Variants in KCNQ3 observed in about 807,000 individuals in gnomAD.
KCNQ3 encodes the protein potassium voltage-gated channel subfamily Q member 3, also known as potassium voltage-gated channel subfamily KQT member 3.
Under a neutral mutation model 92.5 loss-of-function variants are expected in KCNQ3, and 30 were observed. The observed-to-expected ratio is 0.32, with a 90% CI of 0.24 to 0.44. The LOEUF is 0.44. Among genes scored for constraint, KCNQ3 ranks in the 20% least tolerant of loss-of-function variants. The pLI is 1.00. For missense variants in KCNQ3, 913 were observed against 1,140.3 expected, an observed-to-expected ratio of 0.80 and a Z score of 2.87; for synonymous variants, 450 against 468.8, an observed-to-expected ratio of 0.96 and a Z score of 0.52.
chr8:132,418,779 A>G (rs769096842), intron 1 of KCNQ3, among the ~76,000 whole-genome samples: 6 of 152,304 alleles, frequency 3.9e-5, no homozygotes, highest in Non-Finnish European at 8.8e-5. Context: ...GAATGAGACT[A>G]TGTCTCAAAA....
intron 1 of KCNQ3, among the ~76,000 whole-genome samples, chr8:132,396,809 C>T (rs1182229724): frequency 6.6e-6 from 1 of 152,092 alleles, no homozygotes; most frequent in East Asian, 1.9e-4. Context: ...TCATTAAGAG[C>T]AGAGAACGTT....
At chr8:132,323,913 G>C (rs1450371407) in intron 1 of KCNQ3, among the ~76,000 whole-genome samples, 1 of 152,094 alleles carries the variant, frequency 6.6e-6, no homozygotes, top group African/African-American at 2.4e-5. Context: ...GGAAGCACGC[G>C]TTCTGACCTT....
chr8:132,209,354 T>G (rs545581724), intron 1 of KCNQ3, among the ~76,000 whole-genome samples: 2 of 152,224 alleles, frequency 1.3e-5, no homozygotes, highest in East Asian at 3.9e-4. Flanking sequence ...GAGAAGATGG[T>G]TGGTGCCAGC....
intron 9 of KCNQ3, among the ~76,000 whole-genome samples, chr8:132,157,906 T>C (rs889294982): frequency 6.6e-6 from 1 of 152,078 alleles, no homozygotes; most frequent in African/African-American, 2.4e-5. Flanking sequence ...TCAACTCCCA[T>C]TTATGAATGA....
At chr8:132,205,070 C>T (rs1440542848) in intron 1 of KCNQ3, among the ~76,000 whole-genome samples, 1 of 152,184 alleles carries the variant, frequency 6.6e-6, no homozygotes, top group East Asian at 1.9e-4. Context: ...TTCCAGTTGG[C>T]TCACTCTCAT....
At chr8:132,283,092 C>CGTGTGTGTGT (rs1195934839) in intron 1 of KCNQ3, among the ~76,000 whole-genome samples, 4,334 of 130,484 alleles carry the variant, frequency 0.033, 77 homozygotes, top group South Asian at 0.1. Context: ...CTCTCTCTCT[C>CGTGTGTGTGT]GTGTGTGTGT....
At chr8:132,207,737 A>G (rs1813710186) in intron 1 of KCNQ3, among the ~76,000 whole-genome samples, 1 of 151,762 alleles carries the variant, frequency 6.6e-6, no homozygotes, top group African/African-American at 2.4e-5. Context: ...GCACCTTTCT[A>G]CAAATGGCCC....
At chr8:132,276,665 T>C (rs1816341319) in intron 1 of KCNQ3, among the ~76,000 whole-genome samples, 1 of 152,202 alleles carries the variant, frequency 6.6e-6, no homozygotes, top group South Asian at 2.1e-4. Context: ...GCACCTGCAT[T>C]GTTTTGAAAT....
chr8:132,416,494 C>T (rs920898562), intron 1 of KCNQ3, among the ~76,000 whole-genome samples: 1 of 152,072 alleles, frequency 6.6e-6, no homozygotes, highest in African/African-American at 2.4e-5. Flanking sequence ...ATGGCGGGCA[C>T]CCATAATCCC....
chr8:132,282,200 T>G (rs943354540), intron 1 of KCNQ3, among the ~76,000 whole-genome samples: 1 of 152,140 alleles, frequency 6.6e-6, no homozygotes, highest in Admixed American at 6.5e-5. Context: ...TTCAAAACAC[T>G]ATCTGCCTAA....
chr8:132,236,519 A>G (rs1814821297), intron 1 of KCNQ3, among the ~76,000 whole-genome samples: 3 of 152,274 alleles, frequency 2.0e-5, no homozygotes, highest in South Asian at 2.1e-4. Context: ...ATATATGGAC[A>G]CTGTCAATGA....
At chr8:132,160,632 A>G (rs184840513) in intron 9 of KCNQ3, among the ~76,000 whole-genome samples, 3 of 149,432 alleles carry the variant, frequency 2.0e-5, no homozygotes, top group African/African-American at 7.7e-5. Context: ...CTTTCAAATC[A>G]GTTTATTGAA....
chr8:132,216,008 T>C (rs1484730283), intron 1 of KCNQ3, among the ~76,000 whole-genome samples: 1 of 152,166 alleles, frequency 6.6e-6, no homozygotes, highest in African/African-American at 2.4e-5. Flanking sequence ...TCAGTAAATA[T>C]AAATGAGTCT....
Position 132,349,793 on chromosome 8 carries a change from C to T in KCNQ3, c.386+130354G>A, listed in dbSNP as rs1818805099. Among the ~76,000 whole-genome samples the T allele has an allele frequency of 2.0e-5, 3 of 152,360 alleles. 1 individual carries two copies. The South Asian group carries it at 6.2e-4, about 32-fold the overall frequency. On this transcript the variant is annotated intron_variant, in intron 1 of 14. Coordinates refer to ENST00000388996, the MANE Select transcript of KCNQ3 (RefSeq NM_004519.4). Reference sequence around the variant, plus strand: ...GCAAGCCCAGCCAGGATCAGCAGAACCACCCAAGCCAACCTGCAGATCTAG... The same window carrying T: ...GCAAGCCCAGCCAGGATCAGCAGAATCACCCAAGCCAACCTGCAGATCTAG...
chr8:132,156,696 C>T (rs1825804544), intron 9 of KCNQ3, among the ~76,000 whole-genome samples: 1 of 152,164 alleles, frequency 6.6e-6, no homozygotes, highest in African/African-American at 2.4e-5. Flanking sequence ...TTTTGGCAAA[C>T]ACAGAGGGTT....
At position 132,125,602 on chromosome 8, in the gene KCNQ3, T is replaced by C. The variant is rs1824639036; in HGVS notation, c.*3660A>G. 2.0e-5 allele frequency: 3 copies of C among 152,228 alleles called. No homozygotes were observed. Among genetic ancestry groups the C allele is most frequent in the Admixed American group, 6.5e-5 (1 of 15,286 alleles). The allele number at this position is 152,228 out of a possible 1,614,324, so 9.4% of individuals were successfully genotyped here. ...TTTCAGTAGCATGGAATTATGAGGA[T>C]GATTTTGCCAAATTATGAGTAGGTC... On this transcript the variant is annotated 3_prime_UTR_variant, in exon 15 of 15. Transcript: ENST00000388996.
chr8:132,305,802 T>A (rs146072398), intron 1 of KCNQ3, among the ~76,000 whole-genome samples: 10 of 152,284 alleles, frequency 6.6e-5, no homozygotes, highest in Admixed American at 5.9e-4. Flanking sequence ...CGCTTCAATA[T>A]TCCTCATTTG....
chr8:132,251,524 C>A (rs948938774), intron 1 of KCNQ3, among the ~76,000 whole-genome samples: 5 of 152,178 alleles, frequency 3.3e-5, no homozygotes, highest in African/African-American at 9.6e-5. Context: ...TGGTCTCTTC[C>A]AAACATGATA....
At chr8:132,246,707 C>A (rs1040654770) in intron 1 of KCNQ3, among the ~76,000 whole-genome samples, 2 of 152,194 alleles carry the variant, frequency 1.3e-5, no homozygotes, top group African/African-American at 4.8e-5. Context: ...GCACTTCCTG[C>A]CTTTATTTGT....
Sources: gnomAD v4.1 joint callset for allele counts (sites outside exome capture counted in the v4.1 genomes callset) on GRCh38, gnomAD v4.1.1 for gene constraint, MANE v1.5 for transcripts, NCBI Gene and HGNC (gene_info 2026-07-23, HGNC 2026-07-21) for gene names.